LPP: variants seen among roughly 807,000 people sequenced by gnomAD.
The protein encoded by LPP is LIM domain containing preferred translocation partner in lipoma, also known as lipoma-preferred partner.
Under a neutral mutation model 60.4 loss-of-function variants are expected in LPP, and 38 were observed. That is an observed-to-expected ratio of 0.63 (90% confidence interval 0.49 to 0.83). LPP has a LOEUF of 0.83. Ranked by LOEUF, LPP falls within the 40% of genes least tolerant of loss-of-function variation. The pLI is 0.00. For synonymous variants in LPP, 328 were observed against 290.8 expected, an observed-to-expected ratio of 1.13 and a Z score of -1.30; for missense variants, 902 against 783.6, an observed-to-expected ratio of 1.15 and a Z score of -1.80.
intron 4 of LPP, among the ~76,000 whole-genome samples, chr3:188,407,307 C>CTCTTT (rs1426807016): frequency 6.6e-6 from 1 of 152,180 alleles, no homozygotes; most frequent in East Asian, 1.9e-4. Context: ...TCCAGTCCTC[C>CTCTTT]TCTTTTCTTT....
chr3:188,616,445 AT>A (rs1844861775), intron 7 of LPP, among the ~76,000 whole-genome samples: 1 of 152,038 alleles, frequency 6.6e-6, no homozygotes, highest in South Asian at 2.1e-4. Context: ...ATTGGTCTAT[AT>A]GTCTGTTTCA....
chr3:188,781,072 T>G (rs1483981694), intron 9 of LPP, among the ~76,000 whole-genome samples: 2 of 152,248 alleles, frequency 1.3e-5, no homozygotes, highest in Non-Finnish European at 2.9e-5. Context: ...GTGTATTCAC[T>G]GGGAGGAACT....
At chr3:188,564,707 A>G (rs1466367498) in intron 6 of LPP, among the ~76,000 whole-genome samples, 1 of 151,982 alleles carries the variant, frequency 6.6e-6, no homozygotes, top group Non-Finnish European at 1.5e-5. Context: ...CATGTCAGCA[A>G]CTAGACAACC....
intron 9 of LPP, among the ~76,000 whole-genome samples, chr3:188,820,285 T>A (rs575198669): frequency 6.6e-6 from 1 of 151,036 alleles, no homozygotes; most frequent in Non-Finnish European, 1.5e-5. Context: ...GTGTGTGTGT[T>A]TGTGTGTGTA....
At chr3:188,179,137 G>A (rs766300170) in intron 1 of LPP, 1 of 387,722 alleles carries the variant, frequency 2.6e-6, no homozygotes, top group Non-Finnish European at 5.1e-6. Context: ...CATTGATATG[G>A]GGTCTACATA....
At position 188,224,338 on chromosome 3, in the gene LPP, A is replaced by C. The variant is rs541139365; in HGVS notation, c.-189-1067A>C. Reference sequence around the variant, plus strand: ...GCTAGGTAATGTTTACAGTGACAACAATGAAATGGGCATGGTAGTTTCTCG... The same window carrying C: ...GCTAGGTAATGTTTACAGTGACAACCATGAAATGGGCATGGTAGTTTCTCG... On this transcript the variant is annotated intron_variant, in intron 1 of 11. Coordinates refer to ENST00000617246, the MANE Select transcript of LPP (RefSeq NM_001375462.1). Among the ~76,000 whole-genome samples the C allele has an allele frequency of 1.3e-3, 192 of 152,332 alleles. 2 individuals are homozygous for C. The highest frequency in any genetic ancestry group is 1.5e-3 in the Non-Finnish European group (102 of 68,028).
chr3:188,866,447 T>G (rs1766628539), intron 10 of LPP, 69 bp downstream of exon 10: 12 of 1,228,088 alleles, frequency 9.8e-6, no homozygotes. Context: ...GCTTGGCATC[T>G]GGGCATACAT....
At chr3:188,707,405 G>A (rs935858759) in intron 7 of LPP, among the ~76,000 whole-genome samples, 2 of 152,090 alleles carry the variant, frequency 1.3e-5, no homozygotes, top group African/African-American at 2.4e-5. Context: ...CTGCCCCCCT[G>A]CCCAACCTGG....
intron 7 of LPP, among the ~76,000 whole-genome samples, chr3:188,692,134 C>T (rs1862256691): frequency 1.3e-5 from 2 of 152,168 alleles, no homozygotes; most frequent in Non-Finnish European, 2.9e-5. Context: ...GAGTTGTTAG[C>T]ATCAAAAAAT....
intron 2 of LPP, among the ~76,000 whole-genome samples, chr3:188,264,789 T>TGA (rs67443253): frequency 1.4e-4 from 8 of 55,368 alleles, no homozygotes; most frequent in Non-Finnish European, 3.6e-4. Context: ...TCTCTCTCTC[T>TGA]GTGTGTGTCT....
intron 4 of LPP, among the ~76,000 whole-genome samples, chr3:188,472,004 G>A (rs960738863): frequency 5.3e-5 from 8 of 152,192 alleles, no homozygotes; most frequent in East Asian, 1.9e-4. Flanking sequence ...GGAGCCTAAT[G>A]TTCCTGTTCT....
intron 1 of LPP, among the ~76,000 whole-genome samples, chr3:188,219,508 G>A (rs116516875): frequency 1.6e-3 from 241 of 152,270 alleles, no homozygotes; most frequent in African/African-American, 5.5e-3. Flanking sequence ...ACCCAAGGGC[G>A]CATTATTCCT....
rs183177947 is a variant in LPP, at chr3:188,872,631, C to T, written c.1590-12C>T. ...GCGCAGTATCTAACCAGAACTCTCT[C>T]TTCACTTTCAGGAAATTTGCCCCGC... On this transcript the variant is annotated splice_polypyrimidine_tract_variant and intron_variant, in intron 10 of 11. Transcript: ENST00000617246. 5 of 1,614,112 alleles carry T rather than the reference C, an allele frequency of 3.1e-6. No homozygotes were observed. The South Asian group carries it at 4.4e-5, about 14-fold the overall frequency.
chr3:188,817,667 C>T (rs1752825277), intron 9 of LPP, among the ~76,000 whole-genome samples: 1 of 152,116 alleles, frequency 6.6e-6, no homozygotes, highest in African/African-American at 2.4e-5. Context: ...TTCTTGAGGG[C>T]TGAGGGATGG....
At chr3:188,249,425 A>G (rs1312422126) in intron 2 of LPP, among the ~76,000 whole-genome samples, 3 of 151,958 alleles carry the variant, frequency 2.0e-5, no homozygotes, top group Non-Finnish European at 4.4e-5. Flanking sequence ...CGACAGAGCA[A>G]GAGTGTCTCG....
rs1720277435 is a variant in LPP at position 188,731,062 on chromosome 3, GT to G, written c.1240+22673del. Among the ~76,000 whole-genome samples, 5 of 152,120 alleles carry G rather than the reference GT, an allele frequency of 3.3e-5. No homozygotes were observed. The South Asian group carries it at 1.0e-3, about 32-fold the overall frequency. ...TAACTTAATCCTATCTGCAAAGTCC[GT>G]TTTGTCATATACAGTAGCATGTTCA... On this transcript the variant is annotated intron_variant, in intron 8 of 11. Coordinates refer to ENST00000617246, the MANE Select transcript of LPP (RefSeq NM_001375462.1).
chr3:188,806,167 G>T (rs889544440), intron 9 of LPP, among the ~76,000 whole-genome samples: 2 of 151,784 alleles, frequency 1.3e-5, no homozygotes, highest in African/African-American at 4.8e-5. Flanking sequence ...TTATTAGAGG[G>T]ATACTGAAAC....
At chr3:188,295,094 C>A (rs1302032091) in intron 2 of LPP, among the ~76,000 whole-genome samples, 2 of 152,164 alleles carry the variant, frequency 1.3e-5, no homozygotes, top group East Asian at 3.9e-4. Flanking sequence ...TGTGTAGAGG[C>A]TGAAGGAGAG....
At chr3:188,512,628 C>T (rs1473754070) in intron 5 of LPP, among the ~76,000 whole-genome samples, 3 of 151,644 alleles carry the variant, frequency 2.0e-5, no homozygotes, top group South Asian at 2.1e-4. Flanking sequence ...CATGGCATGA[C>T]GCTTTGCTTT....
Sources: allele counts gnomAD v4.1 joint callset (sites outside exome capture counted in the v4.1 genomes callset), GRCh38; gene constraint gnomAD v4.1.1; transcripts MANE v1.5; gene names NCBI Gene and HGNC (gene_info 2026-07-23, HGNC 2026-07-21).